Variants in SAMD5 observed in about 807,000 individuals in gnomAD.
The protein encoded by SAMD5 is sterile alpha motif domain containing 5, also known as sterile alpha motif domain-containing protein 5.
In SAMD5, 13 loss-of-function variants were observed where a neutral mutation model predicts 11.3. The observed-to-expected ratio is 1.15, with a 90% confidence interval of 0.75 to 1.83. The LOEUF is 1.83. SAMD5 is among the 40% of genes most tolerant of loss of function. The pLI, the probability that SAMD5 is intolerant of heterozygous loss-of-function variation, is 0.00. For synonymous variants in SAMD5, 129 were observed against 111.3 expected (o/e 1.16, Z -1.00); for missense variants, 255 against 239.1 (o/e 1.07, Z -0.44).
At chr6:147,896,436 C>G in the SAMD5 span, among the ~76,000 whole-genome samples, 2 of 151,928 alleles carry the variant, frequency 1.3e-5, no homozygotes, top group African/African-American at 4.8e-5. Context: ...AGGAAGCTTC[C>G]TTGGTGCTAA....
intron 1 of SAMD5, among the ~76,000 whole-genome samples, chr6:147,539,512 A>G (rs540849698): frequency 6.6e-6 from 1 of 152,330 alleles, no homozygotes; most frequent in East Asian, 1.9e-4. Context: ...CACAGTGCAA[A>G]ACAGAACAGT....
chr6:147,933,640 C>T, the SAMD5 span, among the ~76,000 whole-genome samples: 5 of 151,048 alleles, frequency 3.3e-5, no homozygotes, highest in African/African-American at 7.4e-5. Flanking sequence ...CGATTCCAAA[C>T]AATCTAAAAT....
At chr6:147,879,841 G>T in the SAMD5 span, among the ~76,000 whole-genome samples, 1 of 152,152 alleles carries the variant, frequency 6.6e-6, no homozygotes, top group Admixed American at 6.5e-5. Context: ...AAATTAGCTT[G>T]TTCTAACCCG....
the SAMD5 span, among the ~76,000 whole-genome samples, chr6:147,818,635 A>G: frequency 6.6e-6 from 1 of 152,144 alleles, no homozygotes; most frequent in African/African-American, 2.4e-5. Context: ...GATCTAGGAA[A>G]ATCACTAATT....
At chr6:147,601,951 C>A (rs1295191434) in intron 1 of SAMD5, among the ~76,000 whole-genome samples, 1 of 152,144 alleles carries the variant, frequency 6.6e-6, no homozygotes, top group African/African-American at 2.4e-5. Context: ...ACTCGATTGT[C>A]CTAAAAGAAG....
intron 1 of SAMD5, among the ~76,000 whole-genome samples, chr6:147,525,961 G>A (rs1357794469): frequency 1.3e-5 from 2 of 152,154 alleles, no homozygotes; most frequent in Admixed American, 6.6e-5. Flanking sequence ...TATAGGCCCA[G>A]CCTGTTGGCC....
chr6:147,788,063 G>T, the SAMD5 span, among the ~76,000 whole-genome samples: 2 of 152,298 alleles, frequency 1.3e-5, no homozygotes, highest in East Asian at 3.9e-4. Context: ...AACCCAAACA[G>T]CTGAGCTTGC....
chr6:147,757,975 A>T, the SAMD5 span, among the ~76,000 whole-genome samples: 1 of 152,142 alleles, frequency 6.6e-6, no homozygotes, highest in African/African-American at 2.4e-5. Flanking sequence ...TATGTAAATT[A>T]CTGGTTTAGA....
In SAMD5 at chr6:147,567,613, G is replaced by A. The variant is rs952897136; in HGVS notation, c.*3157G>A. On this transcript the variant is annotated 3_prime_UTR_variant, in exon 2 of 2. Coordinates refer to ENST00000367474, the MANE Select transcript of SAMD5 (RefSeq NM_001030060.3). The stretch of plus-strand genomic sequence containing the variant: ...ACACCCACATACAGTCCTTGGCTCA[G>A]TGCTAGGCATGTAGCAGGTGCTGAC... 1.0e-6 allele frequency: 1 copy of A among 975,472 alleles called. No individual in the cohort carries two copies. The highest frequency in any genetic ancestry group is 1.8e-5 in the African/African-American group (1 of 57,008). 60.4% of individuals were successfully genotyped at this position (975,472 alleles called of 1,614,324 possible). A position where few individuals can be genotyped will look rare whatever the true frequency, so the allele number is the denominator to read the frequency against.
At chr6:147,650,359 G>T (rs1438926297) in intron 1 of SAMD5, among the ~76,000 whole-genome samples, 15 of 152,108 alleles carry the variant, frequency 9.9e-5, no homozygotes, top group African/African-American at 3.1e-4. Flanking sequence ...GGGGCAAGGG[G>T]CATTCTCCCT....
At chr6:147,524,762 T>C (rs1411701155) in intron 1 of SAMD5, among the ~76,000 whole-genome samples, 1 of 152,150 alleles carries the variant, frequency 6.6e-6, no homozygotes, top group Non-Finnish European at 1.5e-5. Flanking sequence ...TCTCGTCAGA[T>C]ATATTAATAA....
intron 1 of SAMD5, among the ~76,000 whole-genome samples, chr6:147,511,939 G>C (rs575516110): frequency 4.6e-4 from 70 of 152,218 alleles, no homozygotes; most frequent in African/African-American, 1.6e-3. Flanking sequence ...GCTTTGTCAT[G>C]ATCAGAATAT....
chr6:147,549,172 G>A (rs1160055182), intron 1 of SAMD5, among the ~76,000 whole-genome samples: 1 of 152,154 alleles, frequency 6.6e-6, no homozygotes, highest in African/African-American at 2.4e-5. Flanking sequence ...AGCAGAACTG[G>A]CCCATCCTGA....
intron 1 of SAMD5, among the ~76,000 whole-genome samples, chr6:147,650,055 C>T (rs1790462442): frequency 6.6e-6 from 1 of 152,232 alleles, no homozygotes; most frequent in Non-Finnish European, 1.5e-5. Context: ...ACTGGCACAA[C>T]AGATGTGTAC....
chr6:147,573,111 G>A (rs1056777825), downstream of SAMD5, among the ~76,000 whole-genome samples: 26 of 152,246 alleles, frequency 1.7e-4, no homozygotes, highest in African/African-American at 5.8e-4. Context: ...GATATATACG[G>A]ATTACATGGG....
intron 1 of SAMD5, among the ~76,000 whole-genome samples, chr6:147,563,279 G>C (rs1483968694): frequency 4.6e-5 from 7 of 152,180 alleles, no homozygotes; most frequent in Admixed American, 6.5e-5. Flanking sequence ...ACAAATTGCT[G>C]TACCTTAGAG....
At chr6:147,926,078 A>T in the SAMD5 span, among the ~76,000 whole-genome samples, 6 of 152,188 alleles carry the variant, frequency 3.9e-5, no homozygotes. Flanking sequence ...GTCTTCATCC[A>T]ATCTGTCGTT....
At chr6:147,689,129 A>G (rs972870456) in intron 1 of SAMD5, among the ~76,000 whole-genome samples, 6 of 152,134 alleles carry the variant, frequency 3.9e-5, no homozygotes, top group African/African-American at 1.4e-4. Context: ...AAGTCCTAGA[A>G]AGTTTTAATA....
chr6:147,671,732 G>C (rs191237990), intron 1 of SAMD5, among the ~76,000 whole-genome samples: 1 of 151,850 alleles, frequency 6.6e-6, no homozygotes, highest in Non-Finnish European at 1.5e-5. Context: ...TTATGTGTCC[G>C]TCCTATTTTT....
Sources: gnomAD v4.1 joint callset for allele counts (sites outside exome capture counted in the v4.1 genomes callset) on GRCh38, gnomAD v4.1.1 for gene constraint, MANE v1.5 for transcripts, NCBI Gene and HGNC (gene_info 2026-07-23, HGNC 2026-07-21) for gene names.